OGDH: variants seen among roughly 807,000 people sequenced by gnomAD.
OGDH encodes 2-oxoglutarate dehydrogenase complex component E1.
OGDH carries 38 observed loss-of-function variants against 116.6 expected under a neutral mutation model. That is an observed-to-expected ratio of 0.33 (90% CI 0.25 to 0.43). OGDH has a LOEUF of 0.43. Among genes scored for constraint, OGDH ranks in the 20% least tolerant of loss-of-function variants. OGDH has a pLI of 1.00. For synonymous variants in OGDH, 488 were observed against 533.3 expected (o/e 0.92, Z 1.17); for missense variants, 825 against 1,357.2 (o/e 0.61, Z 6.16).
At chr7:44,662,077 G>A (rs1786971403) in intron 4 of OGDH, among the ~76,000 whole-genome samples, 1 of 152,014 alleles carries the variant, frequency 6.6e-6, no homozygotes. Flanking sequence ...AATTATCTTA[G>A]ATATTTTCTC....
In OGDH at chr7:44,681,773, GTA is replaced by G; in HGVS notation, c.1261_1262del (p.Tyr421ArgfsTer42). 1 of 1,614,130 alleles carries G rather than the reference GTA, an allele frequency of 6.2e-7. No homozygotes were observed. Among genetic ancestry groups the G allele is most frequent in the Non-Finnish European group, 8.5e-7 (1 of 1,180,028 alleles). On this transcript the variant is annotated frameshift_variant, in exon 10 of 23. Transcript: ENST00000222673. LOFTEE classifies it high-confidence loss of function. ...CTGCATTTGCTGGCCAGGGCATTGTGTACGAGACCTTCCACCTCAGCGACCTG... is the reference window on the plus strand; with the variant it reads ...CTGCATTTGCTGGCCAGGGCATTGTGCGAGACCTTCCACCTCAGCGACCTG... ...DAAFAGQGIV[Y>X]ETFHLSDLPS...
intron 1 of OGDH, among the ~76,000 whole-genome samples, chr7:44,619,728 T>A (rs965189276): frequency 6.6e-6 from 1 of 152,186 alleles, no homozygotes; most frequent in Admixed American, 6.5e-5. Flanking sequence ...TGAGCATTTG[T>A]GTACAAGTTT....
intron 9 of OGDH, among the ~76,000 whole-genome samples, chr7:44,680,683 C>T (rs1386275970): frequency 6.6e-6 from 1 of 152,212 alleles, no homozygotes; most frequent in Non-Finnish European, 1.5e-5. Context: ...CACACAAATA[C>T]TGGTCTTAAA....
intron 2 of OGDH, 65 bp from the exon 3 acceptor site, chr7:44,645,262 T>G: frequency 6.9e-7 from 1 of 1,458,174 alleles, no homozygotes; most frequent in Non-Finnish European, 9.5e-7. Flanking sequence ...CAGTTCTCTG[T>G]GGCCACAGAT....
At chr7:44,638,428 G>T (rs1409794529) in intron 2 of OGDH, among the ~76,000 whole-genome samples, 1 of 152,224 alleles carries the variant, frequency 6.6e-6, no homozygotes, top group Non-Finnish European at 1.5e-5. Flanking sequence ...TAGGTCTTCA[G>T]TGTGTTTGAT....
chr7:44,702,675 C>T (rs928001230), intron 20 of OGDH, among the ~76,000 whole-genome samples: 4 of 152,298 alleles, frequency 2.6e-5, no homozygotes, highest in African/African-American at 9.6e-5. Context: ...TCACTGCAAG[C>T]TCCACCTCCC....
Position 44,708,122 on chromosome 7 carries a change from C to G in OGDH, c.*123C>G. The G allele has an allele frequency of 7.6e-7, 1 of 1,323,292 alleles. No homozygotes were observed. Among genetic ancestry groups the G allele is most frequent in the Non-Finnish European group, 1.0e-6 (1 of 967,794 alleles). 82.0% of individuals were successfully genotyped at this position (1,323,292 alleles called of 1,614,324 possible). The stretch of plus-strand genomic sequence containing the variant: ...CCGCCCTCCTCGCTGTGCCACCACC[C>G]CTCCCTCTGCTCTCATAGGAGTTAG... On this transcript the variant is annotated 3_prime_UTR_variant, in exon 23 of 23. Transcript: ENST00000222673.
intron 5 of OGDH, among the ~76,000 whole-genome samples, chr7:44,669,641 A>G (rs1787345425): frequency 6.6e-6 from 1 of 152,180 alleles, no homozygotes; most frequent in African/African-American, 2.4e-5. Context: ...CGATTTCATC[A>G]TATGAAGGGG....
At chr7:44,696,618 C>G (rs1342828935) in intron 14 of OGDH, 61 bp downstream of exon 14, 3 of 1,599,828 alleles carry the variant, frequency 1.9e-6, no homozygotes, top group Non-Finnish European at 2.6e-6. Flanking sequence ...CGACGACTGT[C>G]TAGGACTGTG....
At chr7:44,638,123 G>A (rs1785756623) in intron 2 of OGDH, among the ~76,000 whole-genome samples, 1 of 152,272 alleles carries the variant, frequency 6.6e-6, no homozygotes, top group Middle Eastern at 3.4e-3. Context: ...AGAATTAACT[G>A]TGTGTAACTG....
intron 1 of OGDH, among the ~76,000 whole-genome samples, chr7:44,607,447 C>T (rs1784397566): frequency 2.0e-5 from 3 of 152,122 alleles, no homozygotes. Flanking sequence ...CATAGGACTT[C>T]GTGTTAGGGT....
At chr7:44,651,063 C>T (rs571673004) in intron 4 of OGDH, among the ~76,000 whole-genome samples, 234 of 152,298 alleles carry the variant, frequency 1.5e-3, no homozygotes, top group Middle Eastern at 6.8e-3. Context: ...GGAAAAGCTC[C>T]AGGTAGGGGG....
At chr7:44,696,694 G>C in intron 14 of OGDH, 137 bp downstream of exon 14, 1 of 1,338,956 alleles carries the variant, frequency 7.5e-7, no homozygotes, top group Non-Finnish European at 1.0e-6. Context: ...AGGCCTCTGG[G>C]GTGGTTGGAT....
chr7:44,707,385 G>A lies in OGDH; in HGVS notation c.2793G>A (p.Glu931=). The A allele has an allele frequency of 5.0e-6, 8 of 1,614,152 alleles. No homozygotes were observed. The highest frequency in any genetic ancestry group is 3.4e-6 in the Non-Finnish European group (4 of 1,179,992). Residue 931 remains glutamate, a synonymous_variant, in exon 21 of 23, where the codon GAG becomes GAA. Transcript: ENST00000222673. This position sits in a 1 kb window ranked among gnomAD's most constrained non-coding sequence, Gnocchi z 5.2. ...MVGQVAITRI[E]QLSPFPFDLL... is the part of the protein sequence containing the mutation. ...GGCAGGTGGCCATCACAAGGATTGA[G>A]CAGGTGAGGGCAGGTGGTGCCATCA...
chr7:44,674,333 C>T, intron 6 of OGDH, 78 bp from the exon 7 acceptor site: 1 of 1,577,184 alleles, frequency 6.3e-7, no homozygotes, highest in African/African-American at 1.3e-5. Flanking sequence ...GTGTGAGCCT[C>T]CATGCCTGGC....
intron 2 of OGDH, among the ~76,000 whole-genome samples, chr7:44,626,245 T>C (rs956988983): frequency 4.0e-4 from 60 of 151,674 alleles, no homozygotes; most frequent in African/African-American, 1.3e-3. Flanking sequence ...TGATGTGATA[T>C]CATGGATGTT....
intron 1 of OGDH, among the ~76,000 whole-genome samples, chr7:44,613,802 C>CTTTTT (rs11397029): frequency 1.6e-4 from 17 of 106,366 alleles, no homozygotes; most frequent in East Asian, 2.9e-4. Context: ...AGCCACCTGG[C>CTTTTT]TTTTTTTTTT....
chr7:44,695,992 G>A (rs375905046), intron 12 of OGDH, 33 bp from the exon 13 acceptor site: 2 of 1,198,292 alleles, frequency 1.7e-6, no homozygotes, highest in Non-Finnish European at 2.5e-6. Context: ...CATGCCCTGT[G>A]CCAGTCACGC....
intron 2 of OGDH, among the ~76,000 whole-genome samples, chr7:44,628,217 C>T (rs1785283682): frequency 6.6e-6 from 1 of 152,140 alleles, no homozygotes; most frequent in Non-Finnish European, 1.5e-5. Flanking sequence ...ATAAATGCAT[C>T]AGTGTAACTA....
Sources: allele counts gnomAD v4.1 joint callset (sites outside exome capture counted in the v4.1 genomes callset), GRCh38; gene constraint gnomAD v4.1.1; non-coding constraint Gnocchi (gnomAD v3.1); transcripts MANE v1.5; gene names NCBI Gene and HGNC (gene_info 2026-07-23, HGNC 2026-07-21).